CPQ: variants seen among roughly 807,000 people sequenced by gnomAD.
CPQ encodes Ser-Met dipeptidase.
A neutral mutation model predicts 45.7 loss-of-function variants in CPQ; 37 were observed. That is an observed-to-expected ratio of 0.81 (90% CI 0.62 to 1.07). The LOEUF is 1.07. Ranked by LOEUF, CPQ falls within the 50% of genes least tolerant of loss-of-function variation. CPQ has a pLI of 0.00. For missense variants in CPQ, 537 were observed against 572.9 expected (o/e 0.94, Z 0.64); for synonymous variants, 186 against 205.8 (o/e 0.90, Z 0.82).
intron 6 of CPQ, among the ~76,000 whole-genome samples, chr8:97,061,433 G>C (rs372123391): frequency 3.5e-4 from 54 of 152,238 alleles, no homozygotes; most frequent in African/African-American, 1.2e-3. Flanking sequence ...TGGCCTGACA[G>C]AAGTGACTTT....
chr8:97,123,529 C>A (rs1811794049), intron 7 of CPQ, among the ~76,000 whole-genome samples: 1 of 150,588 alleles, frequency 6.6e-6, no homozygotes, highest in African/African-American at 2.4e-5. Flanking sequence ...AATGGTATAG[C>A]CAATAAGCCA....
chr8:97,102,596 C>A lies in CPQ; in HGVS notation c.1255+36386C>A, dbSNP rs77481463. Reference sequence around the variant, plus strand: ...GGCCTGAGTTCAGGTATCAGCTGTGCGATTTCAGCCAAGTTCTTAACCTAT... The same window carrying A: ...GGCCTGAGTTCAGGTATCAGCTGTGAGATTTCAGCCAAGTTCTTAACCTAT... On this transcript the variant is annotated intron_variant, in intron 7 of 7. Transcript: ENST00000220763. 1.3e-3 allele frequency among the ~76,000 whole-genome samples: 201 copies of A among 152,138 alleles called. 5 individuals carry two copies. The East Asian group carries it at 0.037, about 28-fold the overall frequency.
chr8:97,037,948 G>T (rs1462282114), intron 6 of CPQ, among the ~76,000 whole-genome samples: 1 of 152,140 alleles, frequency 6.6e-6, no homozygotes, highest in East Asian at 1.9e-4. Flanking sequence ...TTCTTAACTG[G>T]CTTTTATTAT....
chr8:96,706,764 A>G (rs1809535621), intron 1 of CPQ, among the ~76,000 whole-genome samples: 1 of 152,158 alleles, frequency 6.6e-6, no homozygotes, highest in Non-Finnish European at 1.5e-5. Flanking sequence ...GGAGGAAATG[A>G]CTTTGAGTTT....
At chr8:96,856,893 G>A (rs1811858964) in intron 3 of CPQ, among the ~76,000 whole-genome samples, 1 of 152,158 alleles carries the variant, frequency 6.6e-6, no homozygotes, top group Admixed American at 6.5e-5. Flanking sequence ...TATATTCTTC[G>A]TGTAGTGCTA....
chr8:97,121,247 T>C (rs367794284), intron 7 of CPQ, among the ~76,000 whole-genome samples: 1 of 152,210 alleles, frequency 6.6e-6, no homozygotes. Context: ...AGAGAAAAAC[T>C]GGTTTGGGAC....
At chr8:96,898,569 C>G (rs1394300575) in intron 4 of CPQ, among the ~76,000 whole-genome samples, 8 of 146,696 alleles carry the variant, frequency 5.5e-5, no homozygotes, top group Non-Finnish European at 1.0e-4. Context: ...CTGTTAAAAC[C>G]CACGTTAGAG....
intron 1 of CPQ, among the ~76,000 whole-genome samples, chr8:96,654,033 C>T (rs1462557684): frequency 6.6e-6 from 1 of 152,216 alleles, no homozygotes; most frequent in African/African-American, 2.4e-5. Flanking sequence ...TAGAAGCGTT[C>T]ATGTCATAAA....
intron 7 of CPQ, among the ~76,000 whole-genome samples, chr8:97,122,172 C>G (rs1811714718): frequency 6.6e-6 from 1 of 151,980 alleles, no homozygotes; most frequent in South Asian, 2.1e-4. Context: ...CAACTATAAA[C>G]TGACATATCC....
At position 97,066,113 on chromosome 8, in the gene CPQ, G is replaced by A; in HGVS notation, c.1158G>A (p.Glu386=). 6.2e-7 allele frequency: 1 copy of A among 1,612,592 alleles called. No homozygotes were observed. Among genetic ancestry groups the A allele is most frequent in the Non-Finnish European group, 8.5e-7 (1 of 1,179,572 alleles). ...TGSEKARAIM[E]EVMSLLQPLN... ...GTGAAAAGGCCAGGGCCATCATGGA[G>A]GAGGTTATGAGCCTGCTGCAGCCCC... is the stretch of plus-strand genomic sequence containing the variant. Residue 386 remains glutamate, a synonymous_variant, in exon 7 of 8, where the codon GAG becomes GAA. Coordinates refer to ENST00000220763, the MANE Select transcript of CPQ (RefSeq NM_016134.4).
chr8:96,915,309 G>GT (rs1302512683), intron 4 of CPQ, among the ~76,000 whole-genome samples: 4 of 152,074 alleles, frequency 2.6e-5, no homozygotes, highest in Admixed American at 1.3e-4. Context: ...TACACATTCT[G>GT]TAACTAGAAG....
At chr8:96,928,132 G>A (rs566166867) in intron 4 of CPQ, among the ~76,000 whole-genome samples, 1 of 152,210 alleles carries the variant, frequency 6.6e-6, no homozygotes, top group Non-Finnish European at 1.5e-5. Context: ...GGTTGACTGT[G>A]CCCATCTTTT....
chr8:96,898,377 G>C (rs77309677), intron 4 of CPQ, among the ~76,000 whole-genome samples: 1 of 152,000 alleles, frequency 6.6e-6, no homozygotes, highest in Non-Finnish European at 1.5e-5. Context: ...TAGTAGTCCT[G>C]GGGACAATTC....
At chr8:96,857,030 G>GAGTCTCTC (rs1351649051) in intron 3 of CPQ, among the ~76,000 whole-genome samples, 1 of 152,166 alleles carries the variant, frequency 6.6e-6, no homozygotes, top group Non-Finnish European at 1.5e-5. Flanking sequence ...GAAATTGTCC[G>GAGTCTCTC]AGTCTCTCCT....
chr8:96,850,241 A>C (rs1811752441), intron 3 of CPQ, among the ~76,000 whole-genome samples: 1 of 152,182 alleles, frequency 6.6e-6, no homozygotes, highest in Non-Finnish European at 1.5e-5. Context: ...GTGAAAAGGT[A>C]AGCTTTCCAT....
At chr8:96,943,128 A>G (rs1042645467) in intron 4 of CPQ, among the ~76,000 whole-genome samples, 3 of 152,154 alleles carry the variant, frequency 2.0e-5, no homozygotes, top group Admixed American at 6.5e-5. Context: ...AGACCCATAC[A>G]AATCCTCTTT....
chr8:96,762,381 C>A (rs1021734548), intron 1 of CPQ, among the ~76,000 whole-genome samples: 2 of 152,082 alleles, frequency 1.3e-5, no homozygotes, highest in African/African-American at 4.8e-5. Flanking sequence ...GTAAATAATA[C>A]CTACCTCATG....
intron 4 of CPQ, among the ~76,000 whole-genome samples, chr8:96,898,024 G>A (rs528777483): frequency 2.0e-5 from 3 of 148,256 alleles, no homozygotes; most frequent in South Asian, 2.3e-4. Context: ...ATAGGGAACC[G>A]TTAATTAAGG....
intron 6 of CPQ, among the ~76,000 whole-genome samples, chr8:97,036,933 A>G (rs1406005949): frequency 6.6e-6 from 1 of 152,198 alleles, no homozygotes; most frequent in Non-Finnish European, 1.5e-5. Flanking sequence ...GTAGTCATTA[A>G]TAAGGGCAAT....
Sources: allele counts gnomAD v4.1 joint callset (sites outside exome capture counted in the v4.1 genomes callset), GRCh38; gene constraint gnomAD v4.1.1; transcripts MANE v1.5; gene names NCBI Gene and HGNC (gene_info 2026-07-23, HGNC 2026-07-21).